PRDM5: variants seen among roughly 807,000 people sequenced by gnomAD.
PRDM5 encodes PR domain zinc finger protein 5.
A neutral mutation model predicts 81.2 loss-of-function variants in PRDM5; 56 were observed. That is an observed-to-expected ratio of 0.69 (90% CI 0.56 to 0.86). PRDM5 has a LOEUF of 0.86. PRDM5 is among the 40% of genes least tolerant of loss of function. PRDM5 has a pLI of 0.00. For synonymous variants in PRDM5, 267 were observed against 256.4 expected (o/e 1.04, Z -0.39); for missense variants, 697 against 770.1 (o/e 0.91, Z 1.12).
At chr4:120,700,850 C>T (rs758764714) in intron 15 of PRDM5, among the ~76,000 whole-genome samples, 2 of 152,156 alleles carry the variant, frequency 1.3e-5, no homozygotes, top group Non-Finnish European at 2.9e-5. Flanking sequence ...GTCAGCCAGG[C>T]ATGGTGGCTC....
intron 2 of PRDM5, among the ~76,000 whole-genome samples, chr4:120,876,676 G>A (rs343199): frequency 0.11 from 17,215 of 152,046 alleles, 1,942 homozygotes; most frequent in African/African-American, 0.29. Flanking sequence ...ATATTCCAGG[G>A]TGAAATTAAA....
chr4:120,870,710 CAG>C (rs1761696546), intron 2 of PRDM5, among the ~76,000 whole-genome samples: 1 of 152,176 alleles, frequency 6.6e-6, no homozygotes, highest in African/African-American at 2.4e-5. Context: ...GAACAAGGTT[CAG>C]AGAGGTTTGC....
At chr4:120,771,495 CTTAG>C (rs1394069446) in intron 13 of PRDM5, among the ~76,000 whole-genome samples, 3 of 152,058 alleles carry the variant, frequency 2.0e-5, no homozygotes, top group Admixed American at 6.6e-5. Context: ...TAAAAAAAGT[CTTAG>C]TTAATCAGAA....
intron 13 of PRDM5, among the ~76,000 whole-genome samples, chr4:120,756,142 T>A (rs17051242): frequency 0.063 from 9,547 of 152,176 alleles, 519 homozygotes; most frequent in African/African-American, 0.15. Context: ...CTTGGCAACA[T>A]CTAGGAAAAG....
intron 1 of PRDM5, among the ~76,000 whole-genome samples, chr4:120,922,106 G>T (rs1336905635): frequency 6.6e-6 from 1 of 152,226 alleles, no homozygotes; most frequent in African/African-American, 2.4e-5. Context: ...GCGGAGCAGC[G>T]TGCGCGCGGG....
In PRDM5 at chr4:120,816,543, C is replaced by T. The variant is rs781598677; in HGVS notation, c.775G>A (p.Asp259Asn). The T allele has an allele frequency of 6.2e-7, 1 of 1,614,070 alleles. No individual in the cohort carries two copies. Among genetic ancestry groups the T allele is most frequent in the Non-Finnish European group, 8.5e-7 (1 of 1,179,998 alleles). ...FEQHQETCRG[D>N]ARFVCKADSC... ...TCAGCCTTGCACACAAACCTGGCATCCCCCCGGCAAGTCTCCTGGTGCTGC... is the reference window on the plus strand; with the variant it reads ...TCAGCCTTGCACACAAACCTGGCATTCCCCCGGCAAGTCTCCTGGTGCTGC... Residue 259 changes from aspartate (D) to asparagine (N), a missense_variant, in exon 7 of 16, where the codon GAT becomes AAT. Asp to Asn is a conservative substitution (Grantham distance 23). Coordinates refer to ENST00000264808, the MANE Select transcript of PRDM5 (RefSeq NM_018699.4).
chr4:120,755,716 C>T (rs531603906), intron 13 of PRDM5, among the ~76,000 whole-genome samples: 94 of 152,326 alleles, frequency 6.2e-4, no homozygotes, highest in Non-Finnish European at 9.4e-4. Context: ...GTCCCTGACA[C>T]TGCTTCATGA....
intron 8 of PRDM5, among the ~76,000 whole-genome samples, chr4:120,809,258 G>C (rs113262750): frequency 7.2e-6 from 1 of 138,252 alleles, no homozygotes; most frequent in Non-Finnish European, 1.6e-5. Context: ...TGAGGGGAGG[G>C]GGGAGGGATA....
rs981422495 is a variant in PRDM5, at chr4:120,693,319, T to C, written c.*1792A>G. 6.6e-6 allele frequency: 1 copy of C among 152,106 alleles called. No individual in the cohort carries two copies. The highest frequency in any genetic ancestry group is 1.5e-5 in the Non-Finnish European group (1 of 67,990). 9.4% of individuals were successfully genotyped at this position (152,106 alleles called of 1,614,324 possible). On this transcript the variant is annotated 3_prime_UTR_variant, in exon 16 of 16. Coordinates refer to ENST00000264808, the MANE Select transcript of PRDM5 (RefSeq NM_018699.4). The stretch of plus-strand genomic sequence containing the variant: ...AAATATACAGGATGTGCTTAAATAA[T>C]ACACACTATCAAATTTTACAGCTGT...
chr4:120,895,419 G>C (rs1764505447), intron 2 of PRDM5: 1 of 152,242 alleles, frequency 6.6e-6, no homozygotes, highest in African/African-American at 2.4e-5. Context: ...GGAAAAAATA[G>C]GAGATGGCAA....
At chr4:120,761,612 C>T (rs1306966708) in intron 13 of PRDM5, among the ~76,000 whole-genome samples, 3 of 152,112 alleles carry the variant, frequency 2.0e-5, no homozygotes, top group Non-Finnish European at 2.9e-5. Flanking sequence ...ACTGATAAAA[C>T]GATCCTAAAG....
At chr4:120,818,695 T>C (rs1424191946) in intron 4 of PRDM5, among the ~76,000 whole-genome samples, 168 bp from the exon 5 acceptor site, 2 of 152,136 alleles carry the variant, frequency 1.3e-5, no homozygotes, top group African/African-American at 2.4e-5. Flanking sequence ...AAAAAAATAA[T>C]AGCAAGTGTT....
intron 2 of PRDM5, among the ~76,000 whole-genome samples, chr4:120,892,198 T>C (rs953012756): frequency 6.6e-6 from 1 of 152,176 alleles, no homozygotes; most frequent in African/African-American, 2.4e-5. Flanking sequence ...TTAGGGTTTT[T>C]TTTTCTTTTT....
intron 6 of PRDM5, 64 bp from the exon 7 acceptor site, chr4:120,816,638 C>T (rs988856652): frequency 2.2e-5 from 36 of 1,606,114 alleles, no homozygotes; most frequent in Non-Finnish European, 2.9e-5. Flanking sequence ...AAAACTCAAA[C>T]ATCAGCAAGA....
In PRDM5 at chr4:120,777,197, T is replaced by A. The variant is rs1748292828; in HGVS notation, c.1528A>T (p.Ser510Cys). 6.2e-7 allele frequency: 1 copy of A among 1,613,266 alleles called. No homozygotes were observed. Among genetic ancestry groups the A allele is most frequent in the African/African-American group, 1.3e-5 (1 of 74,852 alleles). ...SSGTLRVHIR[S>C]HTGERPYQCP... ...ATTACAATCTCCATACCTGTGTGGCTCCGGATATGAACTCTGAGTGTACCA... is the reference window on the plus strand; with the variant it reads ...ATTACAATCTCCATACCTGTGTGGCACCGGATATGAACTCTGAGTGTACCA... The change falls in exon 13 of 16, where the codon AGC becomes TGC. Residue 510 changes from serine (S) to cysteine (C), a missense_variant. Physicochemically the swap from Ser to Cys is moderately radical, Grantham distance 112. Coordinates refer to ENST00000264808, the MANE Select transcript of PRDM5 (RefSeq NM_018699.4).
intron 3 of PRDM5, among the ~76,000 whole-genome samples, chr4:120,824,077 C>A (rs1235267794): frequency 6.6e-6 from 1 of 152,186 alleles, no homozygotes; most frequent in Non-Finnish European, 1.5e-5. Flanking sequence ...GCTGGCACCA[C>A]ACTTCAGTAC....
chr4:120,837,940 C>G (rs1226519059), intron 3 of PRDM5: 1 of 152,174 alleles, frequency 6.6e-6, no homozygotes, highest in Non-Finnish European at 1.5e-5. Flanking sequence ...TAATCTCTGT[C>G]CACTGAGGTG....
chr4:120,883,419 A>G (rs1259949747), intron 2 of PRDM5, among the ~76,000 whole-genome samples: 1 of 152,142 alleles, frequency 6.6e-6, no homozygotes, highest in African/African-American at 2.4e-5. Context: ...AACTGATATC[A>G]ATCCACACAA....
intron 12 of PRDM5, among the ~76,000 whole-genome samples, chr4:120,777,857 C>G (rs913190332): frequency 6.6e-6 from 1 of 152,008 alleles, no homozygotes; most frequent in Non-Finnish European, 1.5e-5. Context: ...TTAATCTAGG[C>G]ATAAACAATC....
Sources: allele counts gnomAD v4.1 joint callset (sites outside exome capture counted in the v4.1 genomes callset), GRCh38; gene constraint gnomAD v4.1.1; transcripts MANE v1.5; gene names NCBI Gene and HGNC (gene_info 2026-07-23, HGNC 2026-07-21).